Variants in KIAA1958 observed in about 807,000 individuals in gnomAD.
The protein encoded by KIAA1958 is KIAA1958, also known as uncharacterized protein KIAA1958.
KIAA1958 carries 14 observed loss-of-function variants against 47.2 expected under a neutral mutation model. The ratio of observed to expected loss-of-function variants is 0.30; its 90% CI spans 0.20 to 0.46. The LOEUF (loss-of-function observed/expected upper bound fraction) is 0.46, where lower values mean the gene tolerates loss of function less well. Among genes scored for constraint, KIAA1958 ranks in the 20% least tolerant of loss-of-function variants. The pLI, the probability that KIAA1958 is intolerant of heterozygous loss-of-function variation, is 1.00. For synonymous variants in KIAA1958, 354 were observed against 353.3 expected (o/e 1.00, Z -0.02); for missense variants, 803 against 909.2 (o/e 0.88, Z 1.50).
intron 1 of KIAA1958, among the ~76,000 whole-genome samples, chr9:112,507,658 T>A (rs1291685282): frequency 6.6e-6 from 1 of 152,218 alleles, no homozygotes; most frequent in Admixed American, 6.5e-5. Flanking sequence ...CTGGCCAGTT[T>A]GATTCTTTCG....
intron 2 of KIAA1958, among the ~76,000 whole-genome samples, chr9:112,629,089 A>G (rs928268129): frequency 6.6e-5 from 10 of 152,196 alleles, no homozygotes; most frequent in Admixed American, 5.9e-4. Flanking sequence ...TATAAATCTT[A>G]AGACTGTGTT....
At chr9:112,569,222 C>A (rs1835487870) in intron 1 of KIAA1958, among the ~76,000 whole-genome samples, 1 of 152,100 alleles carries the variant, frequency 6.6e-6, no homozygotes, top group East Asian at 1.9e-4. Context: ...TATTAAATTT[C>A]CCCGTTTTCT....
At chr9:112,637,256 TC>T (rs1477835038) in intron 2 of KIAA1958, among the ~76,000 whole-genome samples, 1 of 152,228 alleles carries the variant, frequency 6.6e-6, no homozygotes, top group Non-Finnish European at 1.5e-5. Flanking sequence ...CATTCTTTTC[TC>T]ATTAACTTGC....
At chr9:112,537,621 A>G (rs933844766) in intron 1 of KIAA1958, among the ~76,000 whole-genome samples, 8 of 152,240 alleles carry the variant, frequency 5.3e-5, no homozygotes, top group Non-Finnish European at 7.3e-5. Flanking sequence ...CAGCATGGCT[A>G]AAATTCAAAA....
chr9:112,562,048 T>C (rs1488858379), intron 1 of KIAA1958, among the ~76,000 whole-genome samples: 19 of 152,198 alleles, frequency 1.2e-4, no homozygotes, highest in Admixed American at 1.2e-3. Context: ...GAAGTCAGAA[T>C]GTTAAATGAG....
chr9:112,645,991 G>A (rs541093381), intron 3 of KIAA1958, among the ~76,000 whole-genome samples, 169 bp downstream of exon 3: 10 of 151,908 alleles, frequency 6.6e-5, no homozygotes, highest in South Asian at 2.1e-4. Context: ...TTTAACAAGC[G>A]TTTTATGAAT....
chr9:112,615,614 G>A (rs973189332), intron 2 of KIAA1958, among the ~76,000 whole-genome samples: 4 of 152,124 alleles, frequency 2.6e-5, no homozygotes, highest in Admixed American at 1.3e-4. Flanking sequence ...AGAAGAATCA[G>A]CCTCACTAAC....
intron 1 of KIAA1958, among the ~76,000 whole-genome samples, chr9:112,556,198 C>G (rs1835238818): frequency 6.6e-6 from 1 of 152,216 alleles, no homozygotes; most frequent in East Asian, 1.9e-4. Flanking sequence ...TGACATCTTG[C>G]ATCTTCCTTA....
rs763257854 is a variant in KIAA1958, at chr9:112,659,791, C to A, written c.1873C>A (p.His625Asn). 3.7e-6 allele frequency: 6 copies of A among 1,614,048 alleles called. No individual in the cohort carries two copies. The African/African-American group carries it at 8.0e-5, about 22-fold the overall frequency. The change falls in exon 4 of 4, where the codon CAC becomes AAC. Residue 625 changes from histidine (H) to asparagine (N), a missense_variant. This residue lies in a region of KIAA1958 where 761 missense variants were observed against 829.3 expected (regional missense o/e 0.92). Transcript: ENST00000337530. ...GATCTACCATGAGCATTCCCGGGGA[C>A]ACAAACAGTGCCCTTACTGCCTCCT... ...GKIYHEHSRG[H>N]KQCPYCLLYK...
At chr9:112,592,235 T>C (rs1250171281) in intron 2 of KIAA1958, among the ~76,000 whole-genome samples, 2 of 152,300 alleles carry the variant, frequency 1.3e-5, no homozygotes, top group Admixed American at 6.5e-5. Context: ...CATACTGACA[T>C]ATTAATTCTT....
chr9:112,567,160 TATTA>T (rs1319519645), intron 1 of KIAA1958, among the ~76,000 whole-genome samples: 1 of 152,184 alleles, frequency 6.6e-6, no homozygotes, highest in Non-Finnish European at 1.5e-5. Flanking sequence ...ATTTTGTGTG[TATTA>T]ATTAGTAATT....
At chr9:112,594,336 G>C (rs1835978896) in intron 2 of KIAA1958, among the ~76,000 whole-genome samples, 1 of 152,110 alleles carries the variant, frequency 6.6e-6, no homozygotes, top group Admixed American at 6.5e-5. Flanking sequence ...CAATTCAGTG[G>C]TTTCAAGTAT....
At position 112,660,843 on chromosome 9, in the gene KIAA1958, A is replaced by G. The variant is rs1186882364; in HGVS notation, c.*774A>G. The stretch of plus-strand genomic sequence containing the variant: ...TGAAGGAAAATGGCTTGGAAAAGCC[A>G]ATCTGTGATCAAAATGTGAAAACCT... On this transcript the variant is annotated 3_prime_UTR_variant, in exon 4 of 4. Transcript: ENST00000337530. 6.6e-6 allele frequency: 1 copy of G among 152,242 alleles called. No individual in the cohort carries two copies. The highest frequency in any genetic ancestry group is 1.5e-5 in the Non-Finnish European group (1 of 68,032). The allele number at this position is 152,242 out of a possible 1,614,324, so 9.4% of individuals were successfully genotyped here. A position where few individuals can be genotyped will look rare whatever the true frequency, so the allele number is the denominator to read the frequency against.
chr9:112,527,313 A>G (rs1440611939), intron 1 of KIAA1958, among the ~76,000 whole-genome samples: 4 of 152,206 alleles, frequency 2.6e-5, no homozygotes, highest in African/African-American at 4.8e-5. Context: ...AAAGGATTTT[A>G]GTTGAGATCC....
Position 112,663,342 on chromosome 9 carries a change from A to G in KIAA1958, c.*3273A>G, listed in dbSNP as rs1203590865. 3 of 152,210 alleles carry G rather than the reference A, an allele frequency of 2.0e-5. No homozygotes were observed. The highest frequency in any genetic ancestry group is 1.9e-4 in the East Asian group (1 of 5,204). 9.4% of individuals were successfully genotyped at this position (152,210 alleles called of 1,614,324 possible). ...CTTAAAGGGTGTGATTCAATTGAAT[A>G]TAGTTTAGTGCGGTACCAGGCACAT... is the stretch of plus-strand genomic sequence containing the variant. On this transcript the variant is annotated 3_prime_UTR_variant, in exon 4 of 4. Transcript: ENST00000337530.
intron 2 of KIAA1958, among the ~76,000 whole-genome samples, chr9:112,593,623 G>C (rs1741628117): frequency 6.6e-6 from 1 of 152,056 alleles, no homozygotes; most frequent in Admixed American, 6.6e-5. Flanking sequence ...CTATCACCCA[G>C]GCTGGTCTTG....
intron 1 of KIAA1958, among the ~76,000 whole-genome samples, chr9:112,522,228 C>T (rs1159282752): frequency 6.6e-6 from 1 of 152,214 alleles, no homozygotes; most frequent in Non-Finnish European, 1.5e-5. Context: ...GCCTCGGCCT[C>T]CCAAAGTGCT....
At chr9:112,600,716 A>G (rs1836117232) in intron 2 of KIAA1958, among the ~76,000 whole-genome samples, 1 of 152,214 alleles carries the variant, frequency 6.6e-6, no homozygotes, top group Non-Finnish European at 1.5e-5. Context: ...TCTAGCTTGG[A>G]ATAATTAGCA....
Position 112,574,584 on chromosome 9 carries a change from A to T in KIAA1958, c.504A>T (p.Gln168His). 6.2e-7 allele frequency: 1 copy of T among 1,614,168 alleles called. No homozygotes were observed. The highest frequency in any genetic ancestry group is 8.5e-7 in the Non-Finnish European group (1 of 1,180,020). ...SDFEPQTQRP[Q>H]SIARKRPGVV... ...TTGAACCCCAAACCCAAAGGCCTCA[A>T]AGCATTGCTCGCAAAAGACCTGGGG... The change falls in exon 2 of 4, where the codon CAA becomes CAT. Residue 168 changes from glutamine (Q) to histidine (H), a missense_variant. Gln to His is a conservative substitution (Grantham distance 24). Transcript: ENST00000337530.
Sources: gnomAD v4.1 joint callset for allele counts (sites outside exome capture counted in the v4.1 genomes callset) on GRCh38, gnomAD v4.1.1 for gene constraint, gnomAD v4.1.1 regional missense constraint, MANE v1.5 for transcripts, NCBI Gene and HGNC (gene_info 2026-07-23, HGNC 2026-07-21) for gene names.